Variants in RABGEF1 observed in about 807,000 individuals in gnomAD.
RABGEF1 encodes the protein rab5 GDP/GTP exchange factor.
In RABGEF1, 26 loss-of-function variants were observed where a neutral mutation model predicts 57.3. The observed-to-expected ratio is 0.45, with a 90% confidence interval of 0.33 to 0.63. The LOEUF (loss-of-function observed/expected upper bound fraction) is 0.63. RABGEF1 is among the 20% of genes least tolerant of loss of function. The probability of loss-of-function intolerance (pLI) is 0.02; values close to 1 mark genes in which losing one functional copy is unlikely to be tolerated. For synonymous variants in RABGEF1, 185 were observed against 210.7 expected, an observed-to-expected ratio of 0.88 and a Z score of 1.06; for missense variants, 464 against 607.6, an observed-to-expected ratio of 0.76 and a Z score of 2.48.
intron 2 of RABGEF1, among the ~76,000 whole-genome samples, chr7:66,728,533 A>G (rs1796860807): frequency 6.6e-6 from 1 of 152,018 alleles, no homozygotes. Context: ...CATTGCCATC[A>G]CCAGTGTCTT....
chr7:66,752,928 C>T (rs1801769085), intron 1 of RABGEF1, among the ~76,000 whole-genome samples: 1 of 152,226 alleles, frequency 6.6e-6, no homozygotes, highest in Admixed American at 6.5e-5. Context: ...TGCCAGTCTT[C>T]TGATGAATTG....
intron 1 of RABGEF1, among the ~76,000 whole-genome samples, chr7:66,694,080 A>G (rs2117163124): frequency 6.6e-6 from 1 of 152,280 alleles, no homozygotes; most frequent in Non-Finnish European, 1.5e-5. Context: ...CAGTGCTGGG[A>G]TTACAGGCGT....
rs781652824 is a variant in RABGEF1, at chr7:66,775,290, C to T, written c.243C>T (p.Leu81=). The T allele has an allele frequency of 1.2e-6, 2 of 1,613,958 alleles. No individual in the cohort carries two copies. The highest frequency in any genetic ancestry group is 1.7e-6 in the Non-Finnish European group (2 of 1,179,852). ...AGAGCAGCCAAGGGGCCCAATCCCT[C>T]ACATTCTCCAAGTTTGAAGAAAAGA... is the stretch of plus-strand genomic sequence containing the variant. ...SSQSSQGAQS[L]TFSKFEEKKT... Residue 81 remains leucine, a synonymous_variant, in exon 3 of 9, where the codon CTC becomes CTT. Transcript: ENST00000284957.
chr7:66,776,560 G>T (rs1462597101), intron 3 of RABGEF1, among the ~76,000 whole-genome samples: 4 of 152,154 alleles, frequency 2.6e-5, no homozygotes, highest in Non-Finnish European at 5.9e-5. Context: ...AGGCACAGTG[G>T]CATGTGCCTG....
upstream of RABGEF1, among the ~76,000 whole-genome samples, chr7:66,679,925 C>T (rs1789576723): frequency 8.5e-5 from 13 of 152,160 alleles, no homozygotes; most frequent in Admixed American, 8.5e-4. Context: ...ACCTACCATC[C>T]CAGCTACTGG....
At chr7:66,736,400 T>C (rs573097100), upstream of RABGEF1, among the ~76,000 whole-genome samples, 1 of 152,298 alleles carries the variant, frequency 6.6e-6, no homozygotes, top group East Asian at 1.9e-4. Flanking sequence ...TATACCACTA[T>C]ATGGGGCCAT....
rs1798720168 is a variant in RABGEF1 at position 66,740,761 on chromosome 7, G to A, written c.-49G>A. 1 of 152,704 alleles carries A rather than the reference G, an allele frequency of 6.5e-6. No individual in the cohort carries two copies. The highest frequency in any genetic ancestry group is 1.5e-5 in the Non-Finnish European group (1 of 68,484). The allele number at this position is 152,704 out of a possible 1,614,324, so 9.5% of individuals were successfully genotyped here. ...CCTACCCGGGCGAAGCGGGCGAGCG[G>A]TGGTTTGGACGCCGGCGGAGACGCG... is the stretch of plus-strand genomic sequence containing the variant. On this transcript the variant is annotated 5_prime_UTR_variant, in exon 1 of 9. In the 5' UTR this introduces an upstream ATG that the reference lacks. Transcript: ENST00000284957.
chr7:66,672,904 A>T, the RABGEF1 span, among the ~76,000 whole-genome samples: 1 of 150,716 alleles, frequency 6.6e-6, no homozygotes, highest in Non-Finnish European at 1.5e-5. Flanking sequence ...CAGAACTATA[A>T]AAAGATGTTT....
chr7:66,694,629 G>A (rs974713528), intron 1 of RABGEF1, among the ~76,000 whole-genome samples: 23 of 152,250 alleles, frequency 1.5e-4, no homozygotes, highest in African/African-American at 5.5e-4. Context: ...AGCTAGTGAC[G>A]TGGATGTCAC....
intron 4 of RABGEF1, among the ~76,000 whole-genome samples, chr7:66,787,038 C>A (rs1020950294): frequency 6.6e-6 from 1 of 151,918 alleles, no homozygotes; most frequent in South Asian, 2.1e-4. Context: ...ATTATTATTT[C>A]TTTTTGAGAT....
At chr7:66,700,498 GT>G (rs35376209) in intron 1 of RABGEF1, among the ~76,000 whole-genome samples, 11 of 145,318 alleles carry the variant, frequency 7.6e-5, no homozygotes, top group Non-Finnish European at 1.1e-4. Flanking sequence ...GGAGGGGGAG[GT>G]AGGGGAGGGG....
intron 1 of RABGEF1, among the ~76,000 whole-genome samples, chr7:66,748,113 T>G (rs1800650268): frequency 6.6e-6 from 1 of 152,256 alleles, no homozygotes; most frequent in African/African-American, 2.4e-5. Flanking sequence ...TCATTTCTGC[T>G]TTGGATTCCC....
At position 66,809,980 on chromosome 7, in the gene RABGEF1, G is replaced by A. The variant is rs1789232564; in HGVS notation, c.*696G>A. 6.6e-6 allele frequency: 1 copy of A among 152,500 alleles called. No homozygotes were observed. Among genetic ancestry groups the A allele is most frequent in the South Asian group, 2.1e-4 (1 of 4,834 alleles). 9.4% of individuals were successfully genotyped at this position (152,500 alleles called of 1,614,324 possible). A position where few individuals can be genotyped will look rare whatever the true frequency, so the allele number is the denominator to read the frequency against. On this transcript the variant is annotated 3_prime_UTR_variant, in exon 9 of 9. Coordinates refer to ENST00000284957, the MANE Select transcript of RABGEF1 (RefSeq NM_014504.3). Reference sequence around the variant, plus strand: ...TGACACCACTAAGGTTCAGAATAAAGTTTAGGCCACATAAAATTGCTGTTT... The same window carrying A: ...TGACACCACTAAGGTTCAGAATAAAATTTAGGCCACATAAAATTGCTGTTT...
intron 1 of RABGEF1, among the ~76,000 whole-genome samples, chr7:66,767,530 G>A (rs1343733597): frequency 6.6e-6 from 1 of 152,148 alleles, no homozygotes; most frequent in East Asian, 1.9e-4. Flanking sequence ...TAAGATGGCT[G>A]CTATGGTCTG....
chr7:66,683,074 A>G (rs1790032436), intron 1 of RABGEF1, among the ~76,000 whole-genome samples: 1 of 152,152 alleles, frequency 6.6e-6, no homozygotes, highest in Non-Finnish European at 1.5e-5. Flanking sequence ...AGTTTACCGG[A>G]GCACCTTGGG....
At chr7:66,764,171 G>T (rs1235828476) in intron 1 of RABGEF1, among the ~76,000 whole-genome samples, 1 of 152,114 alleles carries the variant, frequency 6.6e-6, no homozygotes, top group Non-Finnish European at 1.5e-5. Flanking sequence ...CATCCTACTG[G>T]ATGTGAAGTG....
At chr7:66,674,792 C>T in the RABGEF1 span, among the ~76,000 whole-genome samples, 2 of 151,282 alleles carry the variant, frequency 1.3e-5, no homozygotes, top group African/African-American at 4.9e-5. Context: ...TGGTTGCTTC[C>T]GTAGGGATTA....
At chr7:66,795,381 A>G in intron 4 of RABGEF1, 130 bp from the exon 5 acceptor site, 2 of 716,896 alleles carry the variant, frequency 2.8e-6, no homozygotes, top group Non-Finnish European at 5.0e-6. Flanking sequence ...CTGCAGGATT[A>G]ATATAACCTG....
intron 2 of RABGEF1, among the ~76,000 whole-genome samples, chr7:66,716,433 C>T (rs145745788): frequency 1.3e-5 from 2 of 152,098 alleles, no homozygotes; most frequent in Non-Finnish European, 2.9e-5. Flanking sequence ...AAACCTGTCT[C>T]TACCAAAAAT....
Sources: allele counts gnomAD v4.1 joint callset (sites outside exome capture counted in the v4.1 genomes callset), GRCh38; gene constraint gnomAD v4.1.1; transcripts MANE v1.5; gene names NCBI Gene and HGNC (gene_info 2026-07-23, HGNC 2026-07-21).